Variants in GSE1 observed in about 807,000 individuals in gnomAD.
GSE1 encodes the protein genetic suppressor element 1.
Under a neutral mutation model 112.6 loss-of-function variants are expected in GSE1, and 32 were observed. The ratio of observed to expected loss-of-function variants is 0.28; its 90% CI spans 0.21 to 0.38. The LOEUF is 0.38. Among genes scored for constraint, GSE1 ranks in the 10% least tolerant of loss-of-function variants. GSE1 has a pLI of 1.00. For missense variants in GSE1, 2,348 were observed against 1,699.2 expected, an observed-to-expected ratio of 1.38 and a Z score of -6.71; for synonymous variants, 1,115 against 735.6, an observed-to-expected ratio of 1.52 and a Z score of -8.35.
chr16:85,555,353 G>A (rs962899628), upstream of GSE1: 16 of 983,980 alleles, frequency 1.6e-5, no homozygotes, highest in African/African-American at 3.5e-5. Context: ...CCCTCTCTCT[G>A]AGTCAGTGGT....
In GSE1 at chr16:85,657,079, C is replaced by T. The variant is rs572384117; in HGVS notation, c.1313-198C>T. 3.9e-5 allele frequency among the ~76,000 whole-genome samples: 6 copies of T among 152,340 alleles called. No individual in the cohort carries two copies. In the East Asian group the frequency reaches 5.8e-4, roughly 15 times the overall value. On this transcript the variant is annotated intron_variant, in intron 7 of 15. Transcript: ENST00000253458. The stretch of plus-strand genomic sequence containing the variant: ...GGGCAAGAGTTTTGCCAGCCAGCCA[C>T]GGAGCGTTTCCTTCCAGGGACAAGA...
chr16:85,387,664 T>G (rs896027971), intron 2 of GSE1, among the ~76,000 whole-genome samples: 1 of 152,254 alleles, frequency 6.6e-6, no homozygotes, highest in Non-Finnish European at 1.5e-5. Context: ...GTTCATTGAT[T>G]TTCTTCTTTT....
intron 2 of GSE1, among the ~76,000 whole-genome samples, chr16:85,367,062 G>A (rs968577264): frequency 2.0e-5 from 3 of 152,220 alleles, no homozygotes; most frequent in Non-Finnish European, 2.9e-5. Flanking sequence ...CCACCCTGCC[G>A]TGGCCTCTGC....
intron 2 of GSE1, among the ~76,000 whole-genome samples, chr16:85,502,338 T>G (rs998967517): frequency 4.6e-5 from 7 of 152,138 alleles, no homozygotes; most frequent in African/African-American, 1.7e-4. Flanking sequence ...GTAGCGCAGG[T>G]TCATGGCCCT....
chr16:85,316,214 A>G (rs1232514732), intron 1 of GSE1, among the ~76,000 whole-genome samples: 1 of 152,262 alleles, frequency 6.6e-6, no homozygotes, highest in Admixed American at 6.5e-5. Flanking sequence ...CGCTTTTAAA[A>G]AGGAAAAGCA....
chr16:85,358,357 T>A (rs1167271532), intron 2 of GSE1, among the ~76,000 whole-genome samples: 2 of 152,114 alleles, frequency 1.3e-5, no homozygotes, highest in African/African-American at 4.8e-5. Context: ...TATGGCCTCA[T>A]CCTGAAGCCA....
At chr16:85,299,071 C>T (rs1458178523) in intron 1 of GSE1, among the ~76,000 whole-genome samples, 3 of 152,176 alleles carry the variant, frequency 2.0e-5, no homozygotes, top group South Asian at 2.1e-4. Flanking sequence ...CTCTGTGGGG[C>T]GTGGCCCTCT....
intron 1 of GSE1, among the ~76,000 whole-genome samples, chr16:85,278,253 G>A (rs1909570989): frequency 6.6e-6 from 1 of 152,210 alleles, no homozygotes; most frequent in Admixed American, 6.5e-5. Context: ...TGCAGAGTGT[G>A]ACCTGAGACC....
chr16:85,170,018 C>T, exon 1 of GSE1: 2 of 984,598 alleles, frequency 2.0e-6, no homozygotes, highest in Non-Finnish European at 2.4e-6. Context: ...CGCGGGGCCG[C>T]GGAGGAGACG....
intron 1 of GSE1, among the ~76,000 whole-genome samples, chr16:85,575,060 C>T (rs1263358654): frequency 6.6e-6 from 1 of 152,042 alleles, no homozygotes; most frequent in Non-Finnish European, 1.5e-5. Context: ...CCCCGCCCCC[C>T]GGCTTTTTAC....
At chr16:85,563,989 TCAGGCCCC>T (rs2045634064) in intron 1 of GSE1, among the ~76,000 whole-genome samples, 1 of 152,172 alleles carries the variant, frequency 6.6e-6, no homozygotes, top group Non-Finnish European at 1.5e-5. Context: ...GCACCTCCCG[TCAGGCCCC>T]CTGTGAGCTG....
chr16:85,633,506 G>GTTA (rs903142171), intron 1 of GSE1, among the ~76,000 whole-genome samples: 1 of 152,198 alleles, frequency 6.6e-6, no homozygotes. Context: ...CCACCAGCGT[G>GTTA]TTTCTATCCT....
intron 2 of GSE1, among the ~76,000 whole-genome samples, chr16:85,535,350 G>C (rs1160328815): frequency 6.6e-6 from 1 of 152,226 alleles, no homozygotes; most frequent in East Asian, 1.9e-4. Flanking sequence ...GCCACAGCCA[G>C]GTCTCCGGGG....
intron 1 of GSE1, among the ~76,000 whole-genome samples, chr16:85,565,423 A>AAAAAAC (rs34832164): frequency 2.6e-5 from 4 of 151,180 alleles, no homozygotes; most frequent in African/African-American, 9.8e-5. Context: ...AAACAAAAAA[A>AAAAAAC]CCACCAACCA....
chr16:85,179,033 C>G (rs1480500813), intron 1 of GSE1, among the ~76,000 whole-genome samples: 1 of 152,092 alleles, frequency 6.6e-6, no homozygotes, highest in Non-Finnish European at 1.5e-5. Flanking sequence ...GAAAGTCACC[C>G]TTTGAAAGTG....
chr16:85,668,715 C>T (rs750474091), intron 14 of GSE1, among the ~76,000 whole-genome samples: 13 of 152,140 alleles, frequency 8.5e-5, no homozygotes, highest in Non-Finnish European at 1.8e-4. Context: ...GTGCTGATGT[C>T]GGCCTCAGCT....
chr16:85,370,988 G>A (rs1597509723), intron 2 of GSE1, among the ~76,000 whole-genome samples: 1 of 152,234 alleles, frequency 6.6e-6, no homozygotes, highest in Non-Finnish European at 1.5e-5. Flanking sequence ...GAGGGCCTGC[G>A]CCCGGCGGTG....
At chr16:85,651,086 C>T (rs1218884751) in intron 3 of GSE1, among the ~76,000 whole-genome samples, 1 of 139,150 alleles carries the variant, frequency 7.2e-6, no homozygotes, top group Non-Finnish European at 1.6e-5. Flanking sequence ...CTCCCCCTCC[C>T]CCTCCGCCTT....
chr16:85,627,285 T>C (rs965507459), intron 1 of GSE1, among the ~76,000 whole-genome samples: 1 of 151,640 alleles, frequency 6.6e-6, no homozygotes, highest in African/African-American at 2.4e-5. Context: ...TCATTCTCCG[T>C]TTCCTGCCCT....
Sources: gnomAD v4.1 joint callset for allele counts (sites outside exome capture counted in the v4.1 genomes callset) on GRCh38, gnomAD v4.1.1 for gene constraint, MANE v1.5 for transcripts, NCBI Gene and HGNC (gene_info 2026-07-23, HGNC 2026-07-21) for gene names.